The following GCLC variants were observed in gnomAD, a reference collection of about 807,000 sequenced individuals.
GCLC encodes glutamate--cysteine ligase catalytic subunit.
Under a neutral mutation model 81.5 loss-of-function variants are expected in GCLC, and 30 were observed. The observed-to-expected ratio is 0.37, with a 90% confidence interval of 0.28 to 0.50. The LOEUF is 0.50. Ranked by LOEUF, GCLC falls within the 20% of genes least tolerant of loss-of-function variation. GCLC has a pLI of 0.96. For synonymous variants in GCLC, 262 were observed against 273.3 expected (o/e 0.96, Z 0.41); for missense variants, 556 against 777.4 (o/e 0.72, Z 3.39).
Position 53,525,286 on chromosome 6 carries a change from C to T in GCLC, c.151-2759G>A, listed in dbSNP as rs1551254. Among the ~76,000 whole-genome samples, 1,452 of 152,134 alleles carry T rather than the reference C, an allele frequency of 9.5e-3. 161 individuals are homozygous for T. The East Asian group carries it at 0.24, about 25-fold the overall frequency. Reference sequence around the variant, plus strand: ...ACCTCAACACATTTATGTTTATTTCCGATTAGAGCCTGTCTATATGAGCAT... The same window carrying T: ...ACCTCAACACATTTATGTTTATTTCTGATTAGAGCCTGTCTATATGAGCAT... On this transcript the variant is annotated intron_variant, in intron 1 of 15. Transcript: ENST00000650454.
chr6:53,517,277 T>C (rs1223302200), intron 3 of GCLC, among the ~76,000 whole-genome samples: 3 of 119,618 alleles, frequency 2.5e-5, no homozygotes, highest in Middle Eastern at 4.1e-3. Flanking sequence ...TTTTTTTTTT[T>C]CCAGGGACGA....
At chr6:53,530,795 C>A (rs775936428) in intron 1 of GCLC, among the ~76,000 whole-genome samples, 4 of 152,282 alleles carry the variant, frequency 2.6e-5, no homozygotes, top group Non-Finnish European at 5.9e-5. Flanking sequence ...TGGCTGATGA[C>A]ATATTCATAT....
In GCLC at chr6:53,514,447, T is replaced by G; in HGVS notation, c.611A>C (p.Asn204Thr). 1 of 1,612,586 alleles carries G rather than the reference T, an allele frequency of 6.2e-7. No homozygotes were observed. The highest frequency in any genetic ancestry group is 1.1e-5 in the South Asian group (1 of 91,046). The change falls in exon 5 of 16, where the codon AAT becomes ACT. Residue 204 changes from asparagine to threonine, a missense_variant. This residue lies in a region of GCLC where 234 missense variants were observed against 303.8 expected (regional missense o/e 0.77). Transcript: ENST00000650454. ...RHRRGEKVVI[N>T]VPIFKDKNTP... ...CCTCTCAGTAGACTTACTTGGTACATTGATGACAACCTTTTCTCCTCTCCT... is the reference window on the plus strand; with the variant it reads ...CCTCTCAGTAGACTTACTTGGTACAGTGATGACAACCTTTTCTCCTCTCCT...
intron 1 of GCLC, among the ~76,000 whole-genome samples, chr6:53,531,965 ACT>A (rs1763178229): frequency 1.3e-5 from 2 of 152,146 alleles, no homozygotes; most frequent in Non-Finnish European, 2.9e-5. Flanking sequence ...TCTTCCAGAA[ACT>A]CTTAGTATAA....
intron 1 of GCLC, among the ~76,000 whole-genome samples, chr6:53,538,206 T>C (rs1391015383): frequency 6.8e-6 from 1 of 146,792 alleles, no homozygotes; most frequent in Non-Finnish European, 1.5e-5. Flanking sequence ...CAAAGTGCAG[T>C]AGTGGCATGA....
rs775865433 is a variant in GCLC, at chr6:53,500,010, CTATAT to C, written c.1702+30_1702+34del. 1.4e-5 allele frequency: 21 copies of C among 1,451,642 alleles called. No homozygotes were observed. In the South Asian group the frequency reaches 1.7e-4, roughly 12 times the overall value. 89.9% of individuals were successfully genotyped at this position (1,451,642 alleles called of 1,614,324 possible). ...ACATTCTAAGATTATACCATGCTGT[CTATAT>C]TATGAGATTAAGAAAAATAGATATC... On this transcript the variant is annotated intron_variant, in intron 15 of 15. Transcript: ENST00000650454.
At chr6:53,514,400 A>G in intron 5 of GCLC, 39 bp downstream of exon 5, 1 of 1,593,148 alleles carries the variant, frequency 6.3e-7, no homozygotes, top group Non-Finnish European at 8.6e-7. Flanking sequence ...ACAATACAAC[A>G]TGTCTCTCTC....
rs568275003 is a variant in GCLC, at chr6:53,499,008, TA to T, written c.1703-42del. ...GAGCGAAAAAAAAATTAAAACCACG[TA>T]AGTTTTTTTTTTAATAAGTTGATAT... On this transcript the variant is annotated intron_variant, in intron 15 of 15. Coordinates refer to ENST00000650454, the MANE Select transcript of GCLC (RefSeq NM_001498.4). 108 of 1,317,148 alleles carry T rather than the reference TA, an allele frequency of 8.2e-5. 2 individuals are homozygous for T. The Middle Eastern group carries it at 1.6e-3, about 20-fold the overall frequency. The allele number at this position is 1,317,148 out of a possible 1,614,324, so 81.6% of individuals were successfully genotyped here.
chr6:53,544,458 A>T, intron 1 of GCLC, 38 bp downstream of exon 1: 3 of 1,599,804 alleles, frequency 1.9e-6, no homozygotes, highest in Non-Finnish European at 2.5e-6. Flanking sequence ...GCGGCCAGAC[A>T]CGGGTGCCCG....
intron 3 of GCLC, 161 bp from the exon 4 acceptor site, chr6:53,516,383 C>T: frequency 1.6e-6 from 1 of 640,914 alleles, no homozygotes; most frequent in South Asian, 1.6e-5. Context: ...TACTGTGCCC[C>T]TTTACAACCA....
At chr6:53,505,528 A>G in intron 11 of GCLC, 32 bp from the exon 12 acceptor site, 1 of 1,103,522 alleles carries the variant, frequency 9.1e-7, no homozygotes, top group South Asian at 1.2e-5. Context: ...GAAGTTATGA[A>G]CCAACTACAC....
intron 2 of GCLC, among the ~76,000 whole-genome samples, chr6:53,522,027 T>C (rs1581740920): frequency 1.3e-5 from 2 of 152,240 alleles, no homozygotes; most frequent in African/African-American, 4.8e-5. Context: ...CTGCAACTTA[T>C]ATCTTGCATC....
chr6:53,509,008 C>T (rs1430177535), intron 7 of GCLC, among the ~76,000 whole-genome samples, 168 bp downstream of exon 7: 1 of 152,206 alleles, frequency 6.6e-6, no homozygotes, highest in Admixed American at 6.5e-5. Context: ...TAAACTTCTA[C>T]AGTGTAGACT....
chr6:53,512,354 C>T (rs1764770298), intron 6 of GCLC, among the ~76,000 whole-genome samples: 1 of 151,498 alleles, frequency 6.6e-6, no homozygotes, highest in African/African-American at 2.4e-5. Flanking sequence ...ATTAGCCTTA[C>T]AAAATTACTT....
chr6:53,511,905 G>GGT (rs1764756077), intron 6 of GCLC, among the ~76,000 whole-genome samples: 2 of 132,812 alleles, frequency 1.5e-5, no homozygotes, highest in South Asian at 5.4e-4. Flanking sequence ...ACTTTGGGGG[G>GGT]GGGGGTGGGA....
At chr6:53,529,024 A>G (rs1763129078) in intron 1 of GCLC, among the ~76,000 whole-genome samples, 1 of 152,238 alleles carries the variant, frequency 6.6e-6, no homozygotes, top group African/African-American at 2.4e-5. Context: ...TGTGTTGTCC[A>G]TTATGCTAGT....
intron 10 of GCLC, 35 bp from the exon 11 acceptor site, chr6:53,505,930 T>C: frequency 8.6e-7 from 1 of 1,167,498 alleles, no homozygotes; most frequent in Non-Finnish European, 1.3e-6. Flanking sequence ...AACCAACTTT[T>C]CACACATCCA....
rs1763016799 is a variant in GCLC, at chr6:53,522,543, G to A, written c.151-16C>T. ...TGTATTCCACCTATTGAAAATAAAG[G>A]TGAGAAAAATTAACATTCTTCCAGA... On this transcript the variant is annotated splice_polypyrimidine_tract_variant and intron_variant, in intron 1 of 15. Coordinates refer to ENST00000650454, the MANE Select transcript of GCLC (RefSeq NM_001498.4). The A allele has an allele frequency of 1.3e-6, 2 of 1,496,266 alleles. No homozygotes were observed. Among genetic ancestry groups the A allele is most frequent in the African/African-American group, 1.4e-5 (1 of 72,618 alleles). 92.7% of individuals were successfully genotyped at this position (1,496,266 alleles called of 1,614,324 possible).
Position 53,544,780 on chromosome 6 carries a change from G to A in GCLC, c.-135C>T, listed in dbSNP as rs1352014842. ...CGGGGGCGCTCTCGGGCCGCAGTCG[G>A]CGGAGGGAGGGTCCTGCCCGCTCCG... On this transcript the variant is annotated 5_prime_UTR_variant, in exon 1 of 16. Transcript: ENST00000650454. 4 of 847,632 alleles carry A rather than the reference G, an allele frequency of 4.7e-6. No individual in the cohort carries two copies. Among genetic ancestry groups the A allele is most frequent in the Non-Finnish European group, 6.9e-6 (4 of 579,242 alleles). 52.5% of individuals were successfully genotyped at this position (847,632 alleles called of 1,614,324 possible).
Sources: gnomAD v4.1 joint callset for allele counts (sites outside exome capture counted in the v4.1 genomes callset) on GRCh38, gnomAD v4.1.1 for gene constraint, gnomAD v4.1.1 regional missense constraint, MANE v1.5 for transcripts, NCBI Gene and HGNC (gene_info 2026-07-23, HGNC 2026-07-21) for gene names.